Variants in SLC39A11 observed in about 807,000 individuals in gnomAD.
SLC39A11 encodes zinc transporter ZIP11.
SLC39A11 carries 33 observed loss-of-function variants against 36.1 expected under a neutral mutation model. The ratio of observed to expected loss-of-function variants is 0.91; its 90% CI spans 0.69 to 1.22. The LOEUF is 1.22. Among genes scored for constraint, SLC39A11 ranks in the 50% most tolerant of loss-of-function variants. The pLI, the probability that SLC39A11 is intolerant of heterozygous loss-of-function variation, is 0.00. For missense variants in SLC39A11, 432 were observed against 430.3 expected, an observed-to-expected ratio of 1.00 and a Z score of -0.03; for synonymous variants, 166 against 170.3, an observed-to-expected ratio of 0.97 and a Z score of 0.20.
chr17:73,064,464 C>G (rs1360287045), intron 3 of SLC39A11, among the ~76,000 whole-genome samples: 1 of 152,164 alleles, frequency 6.6e-6, no homozygotes, highest in Non-Finnish European at 1.5e-5. Flanking sequence ...TCTGTGGAGC[C>G]TTGAGATGCC....
intron 4 of SLC39A11, among the ~76,000 whole-genome samples, chr17:72,962,819 G>A (rs2086700638): frequency 1.3e-5 from 2 of 152,338 alleles, no homozygotes; most frequent in South Asian, 4.1e-4. Flanking sequence ...TTACAGGCGT[G>A]AGCCATCGGG....
intron 6 of SLC39A11, among the ~76,000 whole-genome samples, chr17:72,781,511 C>T (rs1477594245): frequency 6.6e-6 from 1 of 151,978 alleles, no homozygotes; most frequent in African/African-American, 2.4e-5. Flanking sequence ...GCAACCTCCA[C>T]CTCCTGGGTT....
intron 7 of SLC39A11, among the ~76,000 whole-genome samples, chr17:72,693,672 A>G (rs2072145177): frequency 6.6e-6 from 1 of 151,880 alleles, no homozygotes; most frequent in African/African-American, 2.4e-5. Context: ...GCCACAATCA[A>G]CTTCCTGGAG....
At chr17:72,783,286 C>T (rs530672978) in intron 6 of SLC39A11, among the ~76,000 whole-genome samples, 12 of 152,290 alleles carry the variant, frequency 7.9e-5, no homozygotes, top group Admixed American at 6.5e-5. Context: ...TAGAGCCACC[C>T]AGTGTATGGC....
At chr17:72,999,789 G>A (rs558719596) in intron 4 of SLC39A11, among the ~76,000 whole-genome samples, 1 of 152,314 alleles carries the variant, frequency 6.6e-6, no homozygotes, top group South Asian at 2.1e-4. Flanking sequence ...TGCCCAGGCT[G>A]GAGTGCAGTG....
intron 5 of SLC39A11, among the ~76,000 whole-genome samples, chr17:72,915,344 A>G (rs771068413): frequency 6.6e-6 from 1 of 152,112 alleles, no homozygotes; most frequent in Non-Finnish European, 1.5e-5. Context: ...TGTTCAAACT[A>G]GCTCGTTTTA....
At chr17:72,892,788 G>T (rs2081824175) in intron 5 of SLC39A11, among the ~76,000 whole-genome samples, 1 of 152,190 alleles carries the variant, frequency 6.6e-6, no homozygotes, top group South Asian at 2.1e-4. Context: ...AAAGAGTGCA[G>T]TGAGAAACTG....
chr17:73,022,585 A>T (rs2058388091), intron 4 of SLC39A11, among the ~76,000 whole-genome samples: 1 of 122,922 alleles, frequency 8.1e-6, no homozygotes, highest in Admixed American at 1.0e-4. Flanking sequence ...ACAAGAGCAA[A>T]ACTCCATCTT....
intron 4 of SLC39A11, among the ~76,000 whole-genome samples, chr17:72,986,241 C>A (rs757327573): frequency 6.6e-6 from 1 of 152,176 alleles, no homozygotes; most frequent in Non-Finnish European, 1.5e-5. Flanking sequence ...AGAAGCCTGA[C>A]GGCTGTGGAG....
At chr17:73,051,412 G>A (rs2059494238) in intron 3 of SLC39A11, among the ~76,000 whole-genome samples, 1 of 152,078 alleles carries the variant, frequency 6.6e-6, no homozygotes, top group Non-Finnish European at 1.5e-5. Flanking sequence ...GCAGGGTGAG[G>A]ACATTTTCCA....
At chr17:72,777,869 A>ATGTATGTATG (rs2076186370) in intron 6 of SLC39A11, among the ~76,000 whole-genome samples, 1 of 149,956 alleles carries the variant, frequency 6.7e-6, no homozygotes, top group Non-Finnish European at 1.5e-5. Flanking sequence ...ATGTATGTAT[A>ATGTATGTATG]TATGTATGTA....
At chr17:72,654,773 A>G (rs1283350718) in intron 7 of SLC39A11, among the ~76,000 whole-genome samples, 1 of 152,202 alleles carries the variant, frequency 6.6e-6, no homozygotes, top group Non-Finnish European at 1.5e-5. Context: ...CCTGCACCTC[A>G]TATTCACAGG....
At chr17:72,883,789 A>G (rs983161624) in intron 5 of SLC39A11, among the ~76,000 whole-genome samples, 2 of 152,144 alleles carry the variant, frequency 1.3e-5, no homozygotes, top group Admixed American at 1.3e-4. Context: ...TGCAATCTGT[A>G]TAATATCATA....
chr17:72,961,687 A>G (rs1420418526), intron 4 of SLC39A11, among the ~76,000 whole-genome samples: 1 of 151,554 alleles, frequency 6.6e-6, no homozygotes, highest in Non-Finnish European at 1.5e-5. Flanking sequence ...GAATTGAACA[A>G]TGAGATCACT....
intron 4 of SLC39A11, among the ~76,000 whole-genome samples, chr17:73,016,390 G>A (rs2058168292): frequency 6.6e-6 from 1 of 151,398 alleles, no homozygotes; most frequent in Non-Finnish European, 1.5e-5. Flanking sequence ...CTAGAGTGCA[G>A]TGGCATGATC....
chr17:72,721,229 T>G (rs1267486146), intron 7 of SLC39A11, among the ~76,000 whole-genome samples: 1 of 151,912 alleles, frequency 6.6e-6, no homozygotes, highest in African/African-American at 2.4e-5. Context: ...CCTGAGTAGG[T>G]GGGATTACAG....
At chr17:72,882,360 TAAAAAA>T (rs11332921) in intron 5 of SLC39A11, among the ~76,000 whole-genome samples, 3 of 126,280 alleles carry the variant, frequency 2.4e-5, no homozygotes, top group Admixed American at 8.2e-5. Flanking sequence ...TTCCTATATC[TAAAAAA>T]AAAAAAAAAA....
intron 7 of SLC39A11, among the ~76,000 whole-genome samples, chr17:72,719,785 A>G (rs1239696046): frequency 2.0e-5 from 3 of 152,120 alleles, no homozygotes; most frequent in Non-Finnish European, 2.9e-5. Context: ...AAGATGTCCA[A>G]TCCCTGTCGC....
At chr17:72,946,419 GC>G (rs1351298296) in intron 5 of SLC39A11, among the ~76,000 whole-genome samples, 3 of 152,190 alleles carry the variant, frequency 2.0e-5, no homozygotes, top group African/African-American at 7.2e-5. Context: ...AGATACCAGA[GC>G]CCTGGCTGCA....
Sources: allele counts gnomAD v4.1 joint callset (sites outside exome capture counted in the v4.1 genomes callset), GRCh38; gene constraint gnomAD v4.1.1; transcripts MANE v1.5; gene names NCBI Gene and HGNC (gene_info 2026-07-23, HGNC 2026-07-21).